The following GAS7 variants were observed in gnomAD, a reference collection of about 807,000 sequenced individuals.
GAS7 encodes growth arrest specific 7.
A neutral mutation model predicts 71.1 loss-of-function variants in GAS7; 28 were observed. The observed-to-expected ratio is 0.39, with a 90% CI of 0.29 to 0.54. GAS7 has a LOEUF of 0.54. GAS7 is among the 20% of genes least tolerant of loss of function. The probability of loss-of-function intolerance (pLI) is 0.62; values close to 1 mark genes in which losing one functional copy is unlikely to be tolerated. For synonymous variants in GAS7, 258 were observed against 245.8 expected (o/e 1.05, Z -0.46); for missense variants, 436 against 627.8 (o/e 0.69, Z 3.27).
At chr17:10,184,220 C>T (rs1463562133) in intron 1 of GAS7, among the ~76,000 whole-genome samples, 1 of 152,204 alleles carries the variant, frequency 6.6e-6, no homozygotes, top group Non-Finnish European at 1.5e-5. Flanking sequence ...ACCCTGCCCC[C>T]CAGCCTTTCC....
At position 10,132,505 on chromosome 17, in the gene GAS7, C is replaced by A. The variant is rs1208828064; in HGVS notation, c.183+65703G>T. Among the ~76,000 whole-genome samples, 4 of 152,332 alleles carry A rather than the reference C, an allele frequency of 2.6e-5. No homozygotes were observed. The East Asian group carries it at 7.7e-4, about 29-fold the overall frequency. Reference sequence around the variant, plus strand: ...TTTTGGCCAGGCACGGTGGCTCATGCCCATAATCCCAGCACTTTGGGAGGC... The same window carrying A: ...TTTTGGCCAGGCACGGTGGCTCATGACCATAATCCCAGCACTTTGGGAGGC... On this transcript the variant is annotated intron_variant, in intron 1 of 13. Transcript: ENST00000432992.
intron 1 of GAS7, among the ~76,000 whole-genome samples, chr17:10,022,337 G>A (rs530753607): frequency 2.0e-5 from 3 of 152,196 alleles, no homozygotes; most frequent in Non-Finnish European, 4.4e-5. Flanking sequence ...GATGCCAGGT[G>A]TCCTCCCCTT....
In GAS7 at chr17:9,929,038, C is replaced by T. The variant is rs1450267601; in HGVS notation, c.886-2269G>A. Among the ~76,000 whole-genome samples the T allele has an allele frequency of 5.3e-5, 8 of 152,230 alleles. No homozygotes were observed. In the South Asian group the frequency reaches 8.3e-4, roughly 16 times the overall value. ...AACCTTCCCTGTATAGGAAAACATC[C>T]CCACCTGGCGGCAGTTTGCAGGATG... On this transcript the variant is annotated intron_variant, in intron 9 of 13. Transcript: ENST00000432992.
At chr17:9,976,726 G>A (rs539652394) in intron 3 of GAS7, among the ~76,000 whole-genome samples, 5 of 152,318 alleles carry the variant, frequency 3.3e-5, no homozygotes, top group African/African-American at 9.6e-5. Flanking sequence ...CCAAGGCTGA[G>A]CAAAGCCAGA....
In GAS7 at chr17:9,943,203, C is replaced by A. The variant is rs150413928; in HGVS notation, c.649G>T (p.Val217Leu). 3.5e-5 allele frequency: 56 copies of A among 1,612,804 alleles called. No homozygotes were observed. The African/African-American group carries it at 6.0e-4, about 17-fold the overall frequency. Reference sequence around the variant, plus strand: ...TGGAGCAGTAGTTCAAACCCAGCCACGGTGCCGTTGCCTTGGGGGTCCTTC... The same window carrying A: ...TGGAGCAGTAGTTCAAACCCAGCCAAGGTGCCGTTGCCTTGGGGGTCCTTC... ...DKKDPQGNGT[V>L]AGFELLLQKQ... Residue 217 changes from valine to leucine, a missense_variant, in exon 7 of 14, where the codon GTG (valine) becomes TTG (leucine). Transcript: ENST00000432992.
rs114663611 is a variant in GAS7, at chr17:10,165,854, C to T, written c.183+32354G>A. Among the ~76,000 whole-genome samples the T allele has an allele frequency of 5.9e-3, 893 of 152,246 alleles. 10 individuals are homozygous for T. The highest frequency in any genetic ancestry group is 0.02 in the African/African-American group (832 of 41,546). ...TGCACTGATTCAGACATCCTTTCACCTTGCCCCATCCAAAGGCAACACCCA... is the reference window on the plus strand; with the variant it reads ...TGCACTGATTCAGACATCCTTTCACTTTGCCCCATCCAAAGGCAACACCCA... On this transcript the variant is annotated intron_variant, in intron 1 of 13. Coordinates refer to ENST00000432992, the MANE Select transcript of GAS7 (RefSeq NM_201433.2).
chr17:10,198,153 G>A (rs913034992), intron 1 of GAS7, 55 bp downstream of exon 1: 2 of 1,516,594 alleles, frequency 1.3e-6, no homozygotes, highest in Non-Finnish European at 1.8e-6. Flanking sequence ...ACAGGTACGC[G>A]AGCGCACCGA....
At chr17:10,041,694 A>G (rs1181948831) in intron 1 of GAS7, among the ~76,000 whole-genome samples, 2 of 152,172 alleles carry the variant, frequency 1.3e-5, no homozygotes, top group East Asian at 3.8e-4. Flanking sequence ...TTTATTAACC[A>G]TCCTTAGTGA....
intron 1 of GAS7, among the ~76,000 whole-genome samples, chr17:10,173,144 A>G (rs2074347522): frequency 6.6e-6 from 1 of 152,190 alleles, no homozygotes; most frequent in African/African-American, 2.4e-5. Context: ...TAGAACCAGA[A>G]AACAGATGAG....
chr17:10,162,648 T>C (rs1410101902), intron 1 of GAS7, among the ~76,000 whole-genome samples: 2 of 152,182 alleles, frequency 1.3e-5, no homozygotes, highest in African/African-American at 4.8e-5. Flanking sequence ...ATCTGATCAG[T>C]CCATATTTTT....
chr17:10,039,855 G>T (rs565366432), intron 1 of GAS7: 4 of 417,930 alleles, frequency 9.6e-6, no homozygotes, highest in South Asian at 3.3e-5. Flanking sequence ...GCTCCCAGAG[G>T]GGGTGACAAT....
chr17:9,945,954 A>T (rs2068771109), intron 6 of GAS7, among the ~76,000 whole-genome samples: 1 of 152,190 alleles, frequency 6.6e-6, no homozygotes, highest in Non-Finnish European at 1.5e-5. Context: ...ACTGCACTCC[A>T]GCCTGGGTGA....
At chr17:10,091,283 T>C (rs2073578767) in intron 1 of GAS7, among the ~76,000 whole-genome samples, 1 of 152,070 alleles carries the variant, frequency 6.6e-6, no homozygotes, top group Non-Finnish European at 1.5e-5. Context: ...AGGTCTCCTT[T>C]GGGGATGATG....
intron 2 of GAS7, among the ~76,000 whole-genome samples, chr17:9,990,098 T>C (rs1287017937): frequency 6.6e-6 from 1 of 151,876 alleles, no homozygotes; most frequent in Non-Finnish European, 1.5e-5. Flanking sequence ...TGAAACCCCA[T>C]CTCTACTAAA....
intron 2 of GAS7, among the ~76,000 whole-genome samples, chr17:9,984,824 C>T (rs1055975572): frequency 2.0e-5 from 3 of 152,196 alleles, no homozygotes; most frequent in Non-Finnish European, 2.9e-5. Flanking sequence ...CAGACAAGCC[C>T]GGTGGAGCTT....
chr17:10,165,944 G>A (rs1343593141), intron 1 of GAS7, among the ~76,000 whole-genome samples: 1 of 151,982 alleles, frequency 6.6e-6, no homozygotes, highest in Non-Finnish European at 1.5e-5. Flanking sequence ...GTCCTTGGTC[G>A]GCCTCGCAGA....
intron 1 of GAS7, among the ~76,000 whole-genome samples, chr17:10,067,095 C>T (rs1269113237): frequency 6.6e-6 from 1 of 152,158 alleles, no homozygotes; most frequent in Admixed American, 6.5e-5. Context: ...CTTCTCCCAG[C>T]TCCATGGTTC....
chr17:9,996,342 G>A (rs915190786), intron 2 of GAS7, among the ~76,000 whole-genome samples: 8 of 150,154 alleles, frequency 5.3e-5, no homozygotes, highest in Non-Finnish European at 1.2e-4. Flanking sequence ...AACACCACAT[G>A]TTCTCACTCA....
chr17:10,006,813 A>T (rs913610817), intron 2 of GAS7, among the ~76,000 whole-genome samples: 1 of 152,204 alleles, frequency 6.6e-6, no homozygotes, highest in African/African-American at 2.4e-5. Context: ...AATATACACA[A>T]GTCAGCCACG....
Sources: allele counts gnomAD v4.1 joint callset (sites outside exome capture counted in the v4.1 genomes callset), GRCh38; gene constraint gnomAD v4.1.1; transcripts MANE v1.5; gene names NCBI Gene and HGNC (gene_info 2026-07-23, HGNC 2026-07-21).